Variants in PDZRN4 observed in about 807,000 individuals in gnomAD.
PDZRN4 encodes PDZ domain containing ring finger 4, also known as PDZ domain-containing RING finger protein 4.
PDZRN4 carries 70 observed loss-of-function variants against 99.0 expected under a neutral mutation model. The ratio of observed to expected loss-of-function variants is 0.71; its 90% CI spans 0.58 to 0.86. The LOEUF is 0.86. Ranked by LOEUF, PDZRN4 falls within the 40% of genes least tolerant of loss-of-function variation. The probability of loss-of-function intolerance (pLI) is 0.00; values close to 1 mark genes in which losing one functional copy is unlikely to be tolerated. For missense variants in PDZRN4, 1,474 were observed against 1,331.2 expected (o/e 1.11, Z -1.67); for synonymous variants, 551 against 501.6 (o/e 1.10, Z -1.32).
At chr12:41,218,143 A>G (rs769677277) in intron 3 of PDZRN4, among the ~76,000 whole-genome samples, 14 of 152,250 alleles carry the variant, frequency 9.2e-5, no homozygotes, top group Non-Finnish European at 1.5e-4. Context: ...TTTAAAAAGC[A>G]GTGATCTTTC....
At chr12:41,552,516 A>G (rs1939075822) in intron 5 of PDZRN4, 140 bp from the exon 6 acceptor site, 2 of 510,524 alleles carry the variant, frequency 3.9e-6, no homozygotes, top group African/African-American at 4.4e-5. Flanking sequence ...ATATTGGTAA[A>G]AAAAAAAAAG....
Position 41,572,862 on chromosome 12 carries a change from C to T in PDZRN4, c.2083C>T (p.Gln695Ter). Reference protein sequence around the residue: ...QAHRLQKVTDQYGDIWTLHDG... With the variant: ...QAHRLQKVTD ...TCACAGGCTCCAGAAAGTGACAGAC[C>T]AGTATGGAGACATCTGGACATTGCA... is the stretch of plus-strand genomic sequence containing the variant. The change falls in exon 10 of 10, where the codon CAG (glutamine) becomes TAG (stop). Residue 695 changes from glutamine (Q) to a stop codon, truncating the protein, a stop_gained. Transcript: ENST00000402685. LOFTEE classifies it high-confidence loss of function. 6.2e-7 allele frequency: 1 copy of T among 1,614,038 alleles called. No homozygotes were observed. The highest frequency in any genetic ancestry group is 8.5e-7 in the Non-Finnish European group (1 of 1,180,000).
intron 3 of PDZRN4, among the ~76,000 whole-genome samples, chr12:41,391,825 G>A (rs149492578): frequency 6.6e-6 from 1 of 152,156 alleles, no homozygotes; most frequent in South Asian, 2.1e-4. Context: ...AGAAGTGCAT[G>A]ATTGGTGAGT....
chr12:41,309,402 AAG>A (rs1228145735), intron 3 of PDZRN4, among the ~76,000 whole-genome samples: 7 of 152,190 alleles, frequency 4.6e-5, no homozygotes, highest in Admixed American at 4.6e-4. Flanking sequence ...GACAGAGAGA[AAG>A]AGAAGGGGGC....
intron 3 of PDZRN4, among the ~76,000 whole-genome samples, chr12:41,455,827 G>A (rs1277299631): frequency 6.6e-6 from 1 of 152,140 alleles, no homozygotes; most frequent in Non-Finnish European, 1.5e-5. Context: ...TGGTTGAATA[G>A]AAATTTGTTC....
At chr12:41,358,087 A>C (rs1951939777) in intron 3 of PDZRN4, among the ~76,000 whole-genome samples, 2 of 151,952 alleles carry the variant, frequency 1.3e-5, no homozygotes, top group African/African-American at 4.8e-5. Flanking sequence ...GGTCTGAAAA[A>C]ATTCCATTTT....
intron 3 of PDZRN4, among the ~76,000 whole-genome samples, chr12:41,477,703 A>G (rs1391737763): frequency 6.6e-6 from 1 of 152,206 alleles, no homozygotes. Flanking sequence ...AATATAAATG[A>G]TGGTTATTTG....
At chr12:41,563,499 C>CAGCA in intron 7 of PDZRN4, 49 bp from the exon 8 acceptor site, 1 of 1,280,508 alleles carries the variant, frequency 7.8e-7, no homozygotes, top group Non-Finnish European at 1.1e-6. Flanking sequence ...TTATTGTGTG[C>CAGCA]AGCATTGTGG....
At chr12:41,258,727 C>T (rs1951218896) in intron 3 of PDZRN4, among the ~76,000 whole-genome samples, 1 of 152,038 alleles carries the variant, frequency 6.6e-6, no homozygotes, top group South Asian at 2.1e-4. Context: ...CACCAAATTC[C>T]TTGCTCTTAT....
chr12:41,343,835 C>A (rs1200606874), intron 3 of PDZRN4, among the ~76,000 whole-genome samples: 1 of 151,794 alleles, frequency 6.6e-6, no homozygotes, highest in Non-Finnish European at 1.5e-5. Context: ...ATGAAAACAT[C>A]AAATTGTACC....
chr12:41,277,781 T>C (rs1951359313), intron 3 of PDZRN4, among the ~76,000 whole-genome samples: 1 of 152,226 alleles, frequency 6.6e-6, no homozygotes, highest in Non-Finnish European at 1.5e-5. Flanking sequence ...TAATGTTTGT[T>C]AGAGGTAATC....
intron 3 of PDZRN4, among the ~76,000 whole-genome samples, chr12:41,481,393 G>T (rs1284724327): frequency 6.6e-6 from 1 of 151,946 alleles, no homozygotes. Context: ...ATACTTCTTT[G>T]CTCAAAACCC....
At chr12:41,215,236 A>G (rs1950912918) in intron 3 of PDZRN4, among the ~76,000 whole-genome samples, 2 of 152,026 alleles carry the variant, frequency 1.3e-5, no homozygotes, top group Non-Finnish European at 2.9e-5. Context: ...AAAAATGGAA[A>G]TTGTTTACTG....
chr12:41,226,798 A>C (rs1043954790), intron 3 of PDZRN4, among the ~76,000 whole-genome samples: 1 of 152,176 alleles, frequency 6.6e-6, no homozygotes, highest in African/African-American at 2.4e-5. Flanking sequence ...CCCTAAAGAA[A>C]ATACCAAATA....
At chr12:41,477,324 C>T (rs1317397828) in intron 3 of PDZRN4, among the ~76,000 whole-genome samples, 1 of 152,320 alleles carries the variant, frequency 6.6e-6, no homozygotes, top group South Asian at 2.1e-4. Flanking sequence ...TAGTAAGTAG[C>T]CGTGATTGCA....
At chr12:41,435,874 T>G (rs1952624817) in intron 3 of PDZRN4, among the ~76,000 whole-genome samples, 1 of 152,202 alleles carries the variant, frequency 6.6e-6, no homozygotes, top group African/African-American at 2.4e-5. Flanking sequence ...TTTAGAATCC[T>G]TCAAAGAAAT....
intron 3 of PDZRN4, among the ~76,000 whole-genome samples, chr12:41,472,021 G>C (rs537982381): frequency 4.8e-4 from 65 of 134,322 alleles, no homozygotes; most frequent in Non-Finnish European, 8.6e-4. Flanking sequence ...TTTTTTTTGA[G>C]ACAGGAGTTT....
chr12:41,415,615 T>C (rs1375016290), intron 3 of PDZRN4, among the ~76,000 whole-genome samples: 2 of 152,064 alleles, frequency 1.3e-5, no homozygotes, highest in African/African-American at 4.8e-5. Context: ...GGAAGTATTG[T>C]AGTTAAGTAT....
At chr12:41,367,233 G>A (rs1321312238) in intron 3 of PDZRN4, among the ~76,000 whole-genome samples, 2 of 152,112 alleles carry the variant, frequency 1.3e-5, no homozygotes, top group Non-Finnish European at 2.9e-5. Context: ...TTTCCAGCCA[G>A]GTGCAGTGGC....
Sources: gnomAD v4.1 joint callset for allele counts (sites outside exome capture counted in the v4.1 genomes callset) on GRCh38, gnomAD v4.1.1 for gene constraint, MANE v1.5 for transcripts, NCBI Gene and HGNC (gene_info 2026-07-23, HGNC 2026-07-21) for gene names.